The following SLC26A5 variants were observed in gnomAD, a reference collection of about 807,000 sequenced individuals.
SLC26A5 encodes solute carrier family 26 member 5, also known as prestin.
In SLC26A5, 51 loss-of-function variants were observed where a neutral mutation model predicts 81.0. That is an observed-to-expected ratio of 0.63 (90% CI 0.50 to 0.80). The LOEUF (loss-of-function observed/expected upper bound fraction) is 0.80, where lower values mean the gene tolerates loss of function less well. Among genes scored for constraint, SLC26A5 ranks in the 30% least tolerant of loss-of-function variants. The pLI, the probability that SLC26A5 is intolerant of heterozygous loss-of-function variation, is 0.00. For missense variants in SLC26A5, 771 were observed against 905.8 expected (o/e 0.85, Z 1.91); for synonymous variants, 325 against 332.8 (o/e 0.98, Z 0.25).
rs147134040 is a variant in SLC26A5, at chr7:103,380,647, G to A, written c.1515-98C>T. 2.5e-4 allele frequency: 275 copies of A among 1,089,776 alleles called. No homozygotes were observed. The Middle Eastern group carries it at 3.6e-3, about 14-fold the overall frequency. 67.5% of individuals were successfully genotyped at this position (1,089,776 alleles called of 1,614,324 possible). Reference sequence around the variant, plus strand: ...TTATGTCAGGTTGGGGTTTGCTGGTGCATTTGGGAATGCTTGATCCTTACA... The same window carrying A: ...TTATGTCAGGTTGGGGTTTGCTGGTACATTTGGGAATGCTTGATCCTTACA... On this transcript the variant is annotated intron_variant, in intron 14 of 19. Transcript: ENST00000306312.
At chr7:103,358,986 AT>A (rs550195195) in intron 19 of SLC26A5, among the ~76,000 whole-genome samples, 10,208 of 143,022 alleles carry the variant, frequency 0.071, 374 homozygotes, top group South Asian at 0.13. Flanking sequence ...TAGCTTGTGA[AT>A]TTTTTTTTTT....
intron 14 of SLC26A5, among the ~76,000 whole-genome samples, chr7:103,386,597 G>A (rs1016279310): frequency 6.6e-6 from 1 of 151,562 alleles, no homozygotes; most frequent in Non-Finnish European, 1.5e-5. Context: ...TATAACTCAA[G>A]TGAGTTCTCT....
At chr7:103,385,801 A>G (rs1020299943) in intron 14 of SLC26A5, among the ~76,000 whole-genome samples, 1 of 151,272 alleles carries the variant, frequency 6.6e-6, no homozygotes, top group Non-Finnish European at 1.5e-5. Context: ...CCTAGGCTCA[A>G]GTGATCCTCC....
chr7:103,399,729 C>A (rs546284213), intron 8 of SLC26A5, among the ~76,000 whole-genome samples: 2 of 152,152 alleles, frequency 1.3e-5, no homozygotes, highest in Non-Finnish European at 2.9e-5. Flanking sequence ...CAGCCCCTGA[C>A]CCATGGACAG....
intron 8 of SLC26A5, among the ~76,000 whole-genome samples, chr7:103,406,091 C>T (rs962256611): frequency 2.6e-5 from 4 of 152,194 alleles, no homozygotes; most frequent in African/African-American, 9.6e-5. Context: ...GAATTTCAAG[C>T]CAATGGAGCT....
intron 19 of SLC26A5, among the ~76,000 whole-genome samples, chr7:103,357,851 G>C (rs1430742196): frequency 6.6e-6 from 1 of 152,118 alleles, no homozygotes; most frequent in Non-Finnish European, 1.5e-5. Context: ...CTGCTCTTCA[G>C]ATGCATTAGA....
In SLC26A5 at chr7:103,362,265, G is replaced by A. The variant is rs530662084; in HGVS notation, c.2042-9339C>T. On this transcript the variant is annotated intron_variant, in intron 19 of 19. Transcript: ENST00000339444. Reference sequence around the variant, plus strand: ...TGCATCTGCTTCCTAACTTCCCATCGGCTTCGCTGACTCCCCTACTCCCAC... The same window carrying A: ...TGCATCTGCTTCCTAACTTCCCATCAGCTTCGCTGACTCCCCTACTCCCAC... 20 of 1,413,340 alleles carry A rather than the reference G, an allele frequency of 1.4e-5. No homozygotes were observed. In the East Asian group the frequency reaches 1.6e-4, roughly 11 times the overall value. The allele number at this position is 1,413,340 out of a possible 1,614,324, so 87.5% of individuals were successfully genotyped here. A position where few individuals can be genotyped will look rare whatever the true frequency, so the allele number is the denominator to read the frequency against.
intron 19 of SLC26A5, among the ~76,000 whole-genome samples, chr7:103,359,138 C>CTTTTTTTTTTTTTTTT (rs35936603): frequency 4.1e-4 from 13 of 31,334 alleles, no homozygotes; most frequent in Admixed American, 6.6e-4. Flanking sequence ...CCATGTCTGG[C>CTTTTTTTTTTTTTTTT]TTTTTTTTTT....
chr7:103,411,298 A>G, intron 6 of SLC26A5, 122 bp downstream of exon 6: 2 of 1,135,228 alleles, frequency 1.8e-6, no homozygotes, highest in Non-Finnish European at 2.6e-6. Flanking sequence ...AGTTACTCCC[A>G]GAGCTCTGGG....
chr7:103,359,617 A>G (rs1820260236), intron 19 of SLC26A5, among the ~76,000 whole-genome samples: 1 of 152,194 alleles, frequency 6.6e-6, no homozygotes, highest in African/African-American at 2.4e-5. Context: ...GCATATTTCA[A>G]GGTTCATCCG....
chr7:103,443,424 T>A (rs1438306363), intron 1 of SLC26A5, among the ~76,000 whole-genome samples: 1 of 152,198 alleles, frequency 6.6e-6, no homozygotes, highest in Non-Finnish European at 1.5e-5. Context: ...ACTGCTAGGA[T>A]GTGAGAAAGA....
chr7:103,434,067 A>G (rs184080435), intron 2 of SLC26A5, among the ~76,000 whole-genome samples: 283 of 152,168 alleles, frequency 1.9e-3, no homozygotes, highest in Non-Finnish European at 3.2e-3. Flanking sequence ...GCAATTGTGG[A>G]TTAGCTCCAC....
At chr7:103,411,065 C>T (rs1184249031) in intron 6 of SLC26A5, among the ~76,000 whole-genome samples, 1 of 152,164 alleles carries the variant, frequency 6.6e-6, no homozygotes, top group Non-Finnish European at 1.5e-5. Context: ...ACACTAATGC[C>T]TTCCCTGTCT....
chr7:103,420,553 G>C (rs774351775), intron 4 of SLC26A5, among the ~76,000 whole-genome samples, 185 bp downstream of exon 4: 1 of 151,900 alleles, frequency 6.6e-6, no homozygotes, highest in Non-Finnish European at 1.5e-5. Flanking sequence ...CTCCCACCTT[G>C]GCCTTCCAAA....
At chr7:103,382,263 A>G (rs1211209789) in intron 14 of SLC26A5, among the ~76,000 whole-genome samples, 1 of 152,076 alleles carries the variant, frequency 6.6e-6, no homozygotes, top group Non-Finnish European at 1.5e-5. Flanking sequence ...GTGGGGAGAA[A>G]ATGAAAATCT....
intron 2 of SLC26A5, among the ~76,000 whole-genome samples, chr7:103,440,352 G>A (rs917468517): frequency 2.0e-5 from 3 of 152,150 alleles, no homozygotes; most frequent in Non-Finnish European, 2.9e-5. Flanking sequence ...CTTTTTGGAA[G>A]TAAAGATTTA....
At chr7:103,353,850 T>C in intron 19 of SLC26A5, 1 of 1,297,116 alleles carries the variant, frequency 7.7e-7, no homozygotes, top group South Asian at 1.3e-5. Flanking sequence ...GAAAAAAAGC[T>C]CTAGTTTCTT....
intron 14 of SLC26A5, among the ~76,000 whole-genome samples, chr7:103,387,009 G>C (rs1366440715): frequency 6.6e-6 from 1 of 152,082 alleles, no homozygotes; most frequent in Non-Finnish European, 1.5e-5. Flanking sequence ...TGATCTGCCT[G>C]CCTCAGTCTT....
chr7:103,361,838 C>T, intron 19 of SLC26A5: 6 of 947,060 alleles, frequency 6.3e-6, no homozygotes, highest in Non-Finnish European at 7.4e-6. Context: ...AACAGTGTCC[C>T]AGTTTCTGTA....
Sources: allele counts gnomAD v4.1 joint callset (sites outside exome capture counted in the v4.1 genomes callset), GRCh38; gene constraint gnomAD v4.1.1; transcripts MANE v1.5; gene names NCBI Gene and HGNC (gene_info 2026-07-23, HGNC 2026-07-21).